The following CFAP57 variants were observed in gnomAD, a reference collection of about 807,000 sequenced individuals.
CFAP57 encodes cilia- and flagella-associated protein 57.
In CFAP57, 116 loss-of-function variants were observed where a neutral mutation model predicts 146.8. The ratio of observed to expected loss-of-function variants is 0.79; its 90% CI spans 0.68 to 0.92. The LOEUF (loss-of-function observed/expected upper bound fraction) is 0.92, where lower values mean the gene tolerates loss of function less well. CFAP57 is among the 40% of genes least tolerant of loss of function. The pLI is 0.00. For missense variants in CFAP57, 1,377 were observed against 1,527.2 expected (o/e 0.90, Z 1.64); for synonymous variants, 518 against 552.8 (o/e 0.94, Z 0.88).
At chr1:43,236,632 G>C (rs1410597054) in intron 21 of CFAP57, among the ~76,000 whole-genome samples, 1 of 138,756 alleles carries the variant, frequency 7.2e-6, no homozygotes, top group Non-Finnish European at 1.5e-5. Flanking sequence ...ATTTCCAGCC[G>C]GGCGCAGTGG....
intron 22 of CFAP57, among the ~76,000 whole-genome samples, chr1:43,250,784 A>G (rs1210361039): frequency 1.3e-5 from 2 of 152,172 alleles, no homozygotes; most frequent in Non-Finnish European, 1.5e-5. Flanking sequence ...CCCAAAAGAG[A>G]CACTCACTTG....
At chr1:43,247,757 T>TA (rs1317492518) in intron 22 of CFAP57, among the ~76,000 whole-genome samples, 1 of 152,228 alleles carries the variant, frequency 6.6e-6, no homozygotes, top group African/African-American at 2.4e-5. Flanking sequence ...ACATATGACT[T>TA]ACACAGACCA....
rs754339360 is a variant in CFAP57, at chr1:43,234,512, G to A, written c.3279G>A (p.Leu1093=). 3 of 1,549,680 alleles carry A rather than the reference G, an allele frequency of 1.9e-6. No homozygotes were observed. The East Asian group carries it at 7.3e-5, about 38-fold the overall frequency. ...CCCGTCAGGTGGAGATCGCAGGGCT[G>A]AACACAGACCTGCAGCAGGAGTACA... ...QRADMVEIAG[L]NTDLQQEYTR... Residue 1093 remains leucine, a synonymous_variant, in exon 21 of 23, where the codon CTG becomes CTA. Coordinates refer to ENST00000372492, the MANE Select transcript of CFAP57 (RefSeq NM_001378189.1).
intron 22 of CFAP57, among the ~76,000 whole-genome samples, chr1:43,247,400 A>C (rs1383145125): frequency 2.6e-5 from 4 of 152,214 alleles, no homozygotes; most frequent in Non-Finnish European, 5.9e-5. Context: ...CATCCTGTGC[A>C]ATCAAGAAAT....
intron 16 of CFAP57, 23 bp from the exon 17 acceptor site, chr1:43,224,023 G>A (rs1427793534): frequency 5.2e-6 from 8 of 1,549,984 alleles, no homozygotes; most frequent in Non-Finnish European, 4.4e-6. Flanking sequence ...AGTGGTCTTT[G>A]TTGTTGCTGT....
intron 9 of CFAP57, among the ~76,000 whole-genome samples, chr1:43,205,612 T>G (rs960962564): frequency 6.6e-6 from 1 of 152,226 alleles, no homozygotes; most frequent in Non-Finnish European, 1.5e-5. Context: ...ATTCTCAGTA[T>G]GCTGAGCTTA....
chr1:43,223,353 G>T (rs907069202), intron 16 of CFAP57, among the ~76,000 whole-genome samples: 11 of 152,226 alleles, frequency 7.2e-5, no homozygotes, highest in African/African-American at 2.7e-4. Flanking sequence ...GTCTTCTGGG[G>T]ATGAGATAGA....
At chr1:43,221,327 C>A in intron 13 of CFAP57, 45 bp from the exon 14 acceptor site, 1 of 1,415,294 alleles carries the variant, frequency 7.1e-7, no homozygotes. Flanking sequence ...CCTAGTAGTG[C>A]TTTCAGCAGA....
intron 22 of CFAP57, among the ~76,000 whole-genome samples, chr1:43,245,037 C>T (rs138390350): frequency 1.8e-4 from 28 of 152,290 alleles, no homozygotes; most frequent in African/African-American, 6.5e-4. Context: ...AGGCCAGGCG[C>T]CGTGGCTCAC....
Position 43,202,371 on chromosome 1 carries a change from C to T in CFAP57, c.1542+2868C>T, listed in dbSNP as rs891444640. ...GCCAAAATTTGATTCTTTGAAAACA[C>T]GAAATAGACAAACCCTTGGCATGAC... On this transcript the variant is annotated intron_variant, in intron 9 of 22. Coordinates refer to ENST00000372492, the MANE Select transcript of CFAP57 (RefSeq NM_001378189.1). 1.3e-4 allele frequency among the ~76,000 whole-genome samples: 19 copies of T among 151,974 alleles called. No homozygotes were observed. The East Asian group carries it at 2.3e-3, about 19-fold the overall frequency.
chr1:43,187,045 G>A (rs11210806), intron 6 of CFAP57, among the ~76,000 whole-genome samples, 186 bp downstream of exon 6: 27,443 of 152,108 alleles, frequency 0.18, 3,581 homozygotes, highest in African/African-American at 0.35. Context: ...ACTCAGTGGG[G>A]CTGTGATTGC....
At chr1:43,192,416 G>A (rs1452693074) in intron 6 of CFAP57, among the ~76,000 whole-genome samples, 1 of 152,168 alleles carries the variant, frequency 6.6e-6, no homozygotes, top group East Asian at 1.9e-4. Flanking sequence ...GAGGTCAGGA[G>A]TTCATGACCA....
chr1:43,248,783 C>G (rs2124686112), intron 22 of CFAP57, among the ~76,000 whole-genome samples: 1 of 152,004 alleles, frequency 6.6e-6, no homozygotes. Flanking sequence ...TTAGTGAAAC[C>G]CTAAAAAGCA....
At chr1:43,233,896 G>A (rs1334328346) in intron 19 of CFAP57, among the ~76,000 whole-genome samples, 1 of 152,206 alleles carries the variant, frequency 6.6e-6, no homozygotes, top group East Asian at 1.9e-4. Context: ...ATCTGCAAGA[G>A]AGAAATGATG....
chr1:43,232,893 T>G (rs1276598765), intron 19 of CFAP57, among the ~76,000 whole-genome samples: 1 of 152,212 alleles, frequency 6.6e-6, no homozygotes, highest in African/African-American at 2.4e-5. Context: ...AGCATTTGGC[T>G]TCTTTGGAGG....
chr1:43,209,939 G>A (rs879711418), intron 11 of CFAP57, 23 bp downstream of exon 11: 1 of 1,614,046 alleles, frequency 6.2e-7, no homozygotes, highest in Non-Finnish European at 8.5e-7. Flanking sequence ...CTCTCCCCAG[G>A]AACCCAGTCC....
intron 21 of CFAP57, among the ~76,000 whole-genome samples, chr1:43,242,948 A>G (rs1306824344): frequency 6.6e-6 from 1 of 152,220 alleles, no homozygotes; most frequent in Non-Finnish European, 1.5e-5. Flanking sequence ...TTAAACTCAT[A>G]TAAAAAGTGC....
chr1:43,194,045 C>T (rs1643710761), intron 6 of CFAP57, among the ~76,000 whole-genome samples: 1 of 151,994 alleles, frequency 6.6e-6, no homozygotes, highest in African/African-American at 2.4e-5. Flanking sequence ...TTTATAATTA[C>T]CTTTACCAGT....
At chr1:43,248,308 A>T (rs898563512) in intron 22 of CFAP57, among the ~76,000 whole-genome samples, 4 of 151,150 alleles carry the variant, frequency 2.6e-5, no homozygotes, top group Admixed American at 6.6e-5. Context: ...ATTGTTTCAT[A>T]AAAAAATTTT....
Sources: allele counts gnomAD v4.1 joint callset (sites outside exome capture counted in the v4.1 genomes callset), GRCh38; gene constraint gnomAD v4.1.1; transcripts MANE v1.5; gene names NCBI Gene and HGNC (gene_info 2026-07-23, HGNC 2026-07-21).